Variants in PGBD5 observed in about 807,000 individuals in gnomAD.
PGBD5 encodes the protein piggyBac transposable element-derived protein 5.
PGBD5 carries 14 observed loss-of-function variants against 47.9 expected under a neutral mutation model. The observed-to-expected ratio is 0.29, with a 90% confidence interval of 0.19 to 0.46. The LOEUF (loss-of-function observed/expected upper bound fraction) is 0.46, where lower values mean the gene tolerates loss of function less well. Ranked by LOEUF, PGBD5 falls within the 20% of genes least tolerant of loss-of-function variation. The pLI is 1.00. For synonymous variants in PGBD5, 316 were observed against 306.3 expected (o/e 1.03, Z -0.33); for missense variants, 635 against 716.0 (o/e 0.89, Z 1.29).
At chr1:230,394,864 T>C (rs1318050533) in intron 1 of PGBD5, among the ~76,000 whole-genome samples, 1 of 71,414 alleles carries the variant, frequency 1.4e-5, no homozygotes, top group Non-Finnish European at 2.7e-5. Flanking sequence ...CCTCCTCTCA[T>C]GCTCCTCCCC....
chr1:230,359,899 C>A (rs1667717062), intron 1 of PGBD5, among the ~76,000 whole-genome samples: 1 of 152,168 alleles, frequency 6.6e-6, no homozygotes, highest in Non-Finnish European at 1.5e-5. Context: ...TTTTTGGGCA[C>A]CAAACAGGTC....
intron 5 of PGBD5, among the ~76,000 whole-genome samples, chr1:230,327,135 G>A (rs1052295489): frequency 7.2e-5 from 11 of 152,100 alleles, no homozygotes; most frequent in Non-Finnish European, 1.6e-4. Context: ...TTCGAGAGTG[G>A]CTGGAGTTGA....
rs1013917314 is a variant in PGBD5 at position 230,323,200 on chromosome 1, C to T, written c.*225G>A. 4.1e-5 allele frequency: 23 copies of T among 559,040 alleles called. 1 individual carries two copies. The highest frequency in any genetic ancestry group is 1.7e-4 in the African/African-American group (9 of 53,138). 34.6% of individuals were successfully genotyped at this position (559,040 alleles called of 1,614,324 possible). ...ACGTGGGTGTAAGTGCTCATCACAC[C>T]GGCGGCACTGTTTCTCGAGGGAGGA... On this transcript the variant is annotated 3_prime_UTR_variant, in exon 7 of 7. Coordinates refer to ENST00000391860, the MANE Select transcript of PGBD5 (RefSeq NM_001258311.2). The surrounding 1 kb of genome is among the most constrained non-coding windows in gnomAD (Gnocchi z 4.1).
intron 1 of PGBD5, among the ~76,000 whole-genome samples, chr1:230,381,061 A>G (rs1478278972): frequency 6.6e-6 from 1 of 152,236 alleles, no homozygotes; most frequent in African/African-American, 2.4e-5. Context: ...TACAGTTTAT[A>G]AACCTGCTGT....
chr1:230,352,549 A>C (rs771262184), intron 2 of PGBD5, among the ~76,000 whole-genome samples: 1 of 152,144 alleles, frequency 6.6e-6, no homozygotes, highest in Non-Finnish European at 1.5e-5. Context: ...ATTTTCGAAA[A>C]GTGACAGCCC....
At chr1:230,360,475 C>A (rs544332010) in intron 1 of PGBD5, among the ~76,000 whole-genome samples, 1 of 152,110 alleles carries the variant, frequency 6.6e-6, no homozygotes, top group Non-Finnish European at 1.5e-5. Context: ...GTAATCCCCA[C>A]GTGTTGGGGA....
At chr1:230,356,678 G>A (rs1271254737) in intron 2 of PGBD5, among the ~76,000 whole-genome samples, 1 of 152,220 alleles carries the variant, frequency 6.6e-6, no homozygotes, top group African/African-American at 2.4e-5. Context: ...ACTGAATTCT[G>A]ACTTGTCTGA....
Position 230,364,493 on chromosome 1 carries a change from G to A in PGBD5, c.332-7172C>T, listed in dbSNP as rs148498857. Among the ~76,000 whole-genome samples the A allele has an allele frequency of 5.2e-3, 793 of 152,356 alleles. 2 individuals are homozygous for A. Among genetic ancestry groups the A allele is most frequent in the Non-Finnish European group, 8.5e-3 (580 of 68,040 alleles). On this transcript the variant is annotated intron_variant, in intron 1 of 6. Coordinates refer to ENST00000391860, the MANE Select transcript of PGBD5 (RefSeq NM_001258311.2). ...GAAAACCCCAAGTATAGCTTCAGTC[G>A]CATAAATGTATCAAGCAGCAGGGCT...
At chr1:230,389,464 C>T (rs541657517) in intron 1 of PGBD5, among the ~76,000 whole-genome samples, 4 of 152,314 alleles carry the variant, frequency 2.6e-5, no homozygotes, top group Admixed American at 6.5e-5. Flanking sequence ...TGAGCCACCA[C>T]GCCCAGCTGA....
chr1:230,327,372 G>A lies in PGBD5; in HGVS notation c.1274-1957C>T, dbSNP rs538623791. On this transcript the variant is annotated intron_variant, in intron 5 of 6. Coordinates refer to ENST00000391860, the MANE Select transcript of PGBD5 (RefSeq NM_001258311.2). ...CCCCCACAACTCTCACTGAGGGACCGTGGCTGAGGAGACCAGGGTCGCGCA... is the reference window on the plus strand; with the variant it reads ...CCCCCACAACTCTCACTGAGGGACCATGGCTGAGGAGACCAGGGTCGCGCA... Among the ~76,000 whole-genome samples the A allele has an allele frequency of 2.6e-5, 4 of 152,316 alleles. No individual in the cohort carries two copies. In the South Asian group the frequency reaches 6.2e-4, roughly 24 times the overall value.
rs147628404 is a variant in PGBD5 at position 230,333,502 on chromosome 1, G to A, written c.1076-461C>T. ...GAAGCCCCCAGACTCACAGCTGGGA[G>A]GGCAAAGACAGGCATGAAGCCCAGG... On this transcript the variant is annotated intron_variant, in intron 4 of 6. Transcript: ENST00000391860. Among the ~76,000 whole-genome samples the A allele has an allele frequency of 2.1e-3, 324 of 152,324 alleles. 1 individual carries two copies. The highest frequency in any genetic ancestry group is 7.5e-3 in the African/African-American group (311 of 41,576).
In PGBD5 at chr1:230,415,506, G is replaced by A. The variant is rs73102053; in HGVS notation, c.331+10092C>T. Among the ~76,000 whole-genome samples, 508 of 152,298 alleles carry A rather than the reference G, an allele frequency of 3.3e-3. 7 individuals carry two copies. Among genetic ancestry groups the A allele is most frequent in the African/African-American group, 0.011 (468 of 41,548 alleles). On this transcript the variant is annotated intron_variant, in intron 1 of 6. Coordinates refer to ENST00000391860, the MANE Select transcript of PGBD5 (RefSeq NM_001258311.2). ...TTGCTTTTGCCAGGGAAGCTTGCTG[G>A]AGGCTTTGAAACATCAAAATTGAAT...
At chr1:230,362,329 T>C (rs763417421) in intron 1 of PGBD5, 1 of 1,367,728 alleles carries the variant, frequency 7.3e-7, no homozygotes, top group South Asian at 1.1e-5. Flanking sequence ...GAATGGATTA[T>C]AGGGCGGCCG....
chr1:230,326,026 A>G (rs1667111091), intron 5 of PGBD5, among the ~76,000 whole-genome samples: 1 of 152,192 alleles, frequency 6.6e-6, no homozygotes, highest in Non-Finnish European at 1.5e-5. Flanking sequence ...GAGATGATGG[A>G]TATGCTAATT....
At chr1:230,347,476 C>CTTTTTTT (rs71733326) in intron 3 of PGBD5, among the ~76,000 whole-genome samples, 25 of 113,418 alleles carry the variant, frequency 2.2e-4, no homozygotes, top group Non-Finnish European at 2.7e-4. Flanking sequence ...ATTTTCTTTT[C>CTTTTTTT]TTTTTTTTTT....
At chr1:230,339,228 T>C (rs764391243) in intron 3 of PGBD5, among the ~76,000 whole-genome samples, 1 of 152,228 alleles carries the variant, frequency 6.6e-6, no homozygotes, top group Non-Finnish European at 1.5e-5. Flanking sequence ...GGAGTGAAGA[T>C]GACGTCAGTT....
chr1:230,362,938 T>C (rs1667770577), intron 1 of PGBD5, among the ~76,000 whole-genome samples: 2 of 151,090 alleles, frequency 1.3e-5, no homozygotes, highest in Admixed American at 1.3e-4. Context: ...GTGGGACGAG[T>C]GGTGAAAGTA....
intron 1 of PGBD5, among the ~76,000 whole-genome samples, chr1:230,369,383 T>C (rs1338412685): frequency 6.6e-6 from 1 of 152,210 alleles, no homozygotes; most frequent in African/African-American, 2.4e-5. Flanking sequence ...CACCCCTCCA[T>C]GACCAGGGGC....
chr1:230,339,671 G>T (rs1667381251), intron 3 of PGBD5, among the ~76,000 whole-genome samples: 1 of 152,198 alleles, frequency 6.6e-6, no homozygotes, highest in Non-Finnish European at 1.5e-5. Flanking sequence ...ATACTATTCA[G>T]CCTTTAAAAA....
Sources: allele counts gnomAD v4.1 joint callset (sites outside exome capture counted in the v4.1 genomes callset), GRCh38; gene constraint gnomAD v4.1.1; non-coding constraint Gnocchi (gnomAD v3.1); transcripts MANE v1.5; gene names NCBI Gene and HGNC (gene_info 2026-07-23, HGNC 2026-07-21).